Variants in NAALADL2 observed in about 807,000 individuals in gnomAD.
The protein encoded by NAALADL2 is N-acetylated alpha-linked acidic dipeptidase like 2, also known as inactive N-acetylated-alpha-linked acidic dipeptidase-like protein 2.
Under a neutral mutation model 87.2 loss-of-function variants are expected in NAALADL2, and 76 were observed. The ratio of observed to expected loss-of-function variants is 0.87; its 90% CI spans 0.72 to 1.05. NAALADL2 has a LOEUF of 1.05. Among genes scored for constraint, NAALADL2 ranks in the 50% least tolerant of loss-of-function variants. The probability of loss-of-function intolerance (pLI) is 0.00; values close to 1 mark genes in which losing one functional copy is unlikely to be tolerated. For synonymous variants in NAALADL2, 354 were observed against 331.0 expected, an observed-to-expected ratio of 1.07 and a Z score of -0.75; for missense variants, 1,089 against 945.8, an observed-to-expected ratio of 1.15 and a Z score of -1.99.
intron 1 of NAALADL2, among the ~76,000 whole-genome samples, chr3:174,524,926 C>T (rs973618940): frequency 6.6e-6 from 1 of 152,168 alleles, no homozygotes; most frequent in African/African-American, 2.4e-5. Context: ...ATTACCTTTT[C>T]TGTGTTTAGA....
chr3:175,720,470 T>G (rs1436460710), intron 11 of NAALADL2, among the ~76,000 whole-genome samples: 1 of 151,976 alleles, frequency 6.6e-6, no homozygotes, highest in East Asian at 1.9e-4. Context: ...GAAAATAAAG[T>G]GAAAAATGAG....
chr3:175,653,401 C>T (rs1168899926), intron 11 of NAALADL2, among the ~76,000 whole-genome samples: 1 of 152,248 alleles, frequency 6.6e-6, no homozygotes, highest in African/African-American at 2.4e-5. Flanking sequence ...GATTTTCTAA[C>T]GTTAATTTGT....
intron 2 of NAALADL2, among the ~76,000 whole-genome samples, chr3:174,588,021 A>G (rs556709982): frequency 8.7e-4 from 132 of 152,050 alleles, no homozygotes; most frequent in African/African-American, 3.0e-3. Context: ...TCAGATGTAG[A>G]TTTGTTCTTT....
intron 1 of NAALADL2, among the ~76,000 whole-genome samples, chr3:175,064,468 C>T (rs78378068): frequency 0.11 from 17,010 of 152,052 alleles, 1,090 homozygotes; most frequent in East Asian, 0.21. Context: ...GCATCCAGGG[C>T]GCCTTAACTG....
At chr3:175,757,002 A>ATATGTG (rs1747350932) in intron 13 of NAALADL2, among the ~76,000 whole-genome samples, 1 of 151,064 alleles carries the variant, frequency 6.6e-6, no homozygotes, top group Admixed American at 6.6e-5. Flanking sequence ...TATATTTTTT[A>ATATGTG]TATGTGTATG....
chr3:175,277,241 A>G lies in NAALADL2; in HGVS notation c.939+20711A>G, dbSNP rs534196241. Among the ~76,000 whole-genome samples the G allele has an allele frequency of 2.0e-5, 3 of 152,314 alleles. No individual in the cohort carries two copies. In the East Asian group the frequency reaches 5.8e-4, roughly 29 times the overall value. On this transcript the variant is annotated intron_variant, in intron 4 of 13. Coordinates refer to ENST00000454872, the MANE Select transcript of NAALADL2 (RefSeq NM_207015.3). ...CTAGAAAAACTTCTACAGTGCCAAC[A>G]TATCTTTACTACCCATATACGGGTA... is the stretch of plus-strand genomic sequence containing the variant.
At chr3:175,005,004 CAG>C (rs762054152) in intron 1 of NAALADL2, among the ~76,000 whole-genome samples, 1 of 152,050 alleles carries the variant, frequency 6.6e-6, no homozygotes, top group Non-Finnish European at 1.5e-5. Flanking sequence ...ACCTGAAAAA[CAG>C]AAAACGAGTA....
chr3:175,764,661 A>C (rs1748455128), intron 13 of NAALADL2, among the ~76,000 whole-genome samples: 1 of 152,130 alleles, frequency 6.6e-6, no homozygotes, highest in Non-Finnish European at 1.5e-5. Flanking sequence ...CAAACACATA[A>C]GCTCCCAAAA....
intron 2 of NAALADL2, among the ~76,000 whole-genome samples, chr3:175,116,918 T>A (rs36040381): frequency 0.6 from 91,190 of 151,098 alleles, 27,969 homozygotes; most frequent in African/African-American, 0.73. Context: ...ACAGAGATAT[T>A]GAAGAATGGA....
chr3:175,025,002 A>T (rs1752038147), intron 1 of NAALADL2, among the ~76,000 whole-genome samples: 1 of 152,156 alleles, frequency 6.6e-6, no homozygotes, highest in Non-Finnish European at 1.5e-5. Flanking sequence ...AGTATCTGTT[A>T]CCTTTTGAGA....
At chr3:175,332,503 G>T (rs1286780751) in intron 5 of NAALADL2, among the ~76,000 whole-genome samples, 1 of 152,168 alleles carries the variant, frequency 6.6e-6, no homozygotes. Context: ...GTCTCACTAT[G>T]TTGCCCAGTC....
At chr3:174,924,869 T>A (rs1158349278) in intron 1 of NAALADL2, among the ~76,000 whole-genome samples, 1 of 152,246 alleles carries the variant, frequency 6.6e-6, no homozygotes, top group Non-Finnish European at 1.5e-5. Context: ...AAATGCCTTC[T>A]TTTGAGAAGT....
intron 4 of NAALADL2, among the ~76,000 whole-genome samples, chr3:175,309,586 CTT>C (rs1387703997): frequency 6.6e-6 from 1 of 151,538 alleles, no homozygotes; most frequent in Non-Finnish European, 1.5e-5. Context: ...CTTAAAGAAA[CTT>C]TTGTTTTTCA....
chr3:175,105,491 ATGTG>A (rs60465385), intron 2 of NAALADL2, among the ~76,000 whole-genome samples: 1 of 149,930 alleles, frequency 6.7e-6, no homozygotes, highest in African/African-American at 2.4e-5. Context: ...CTATGTATGT[ATGTG>A]TGTGTATATT....
chr3:175,700,904 C>A (rs958715353), intron 11 of NAALADL2, among the ~76,000 whole-genome samples: 8 of 151,974 alleles, frequency 5.3e-5, no homozygotes, highest in Non-Finnish European at 1.0e-4. Flanking sequence ...CAAAAGGGAG[C>A]ATTAGAGAGG....
intron 2 of NAALADL2, among the ~76,000 whole-genome samples, chr3:175,207,546 C>G (rs1200705013): frequency 6.6e-6 from 1 of 152,000 alleles, no homozygotes; most frequent in East Asian, 1.9e-4. Context: ...GTCAGCAGTT[C>G]AGGTCATTAC....
chr3:175,665,839 G>A (rs1313689802), intron 11 of NAALADL2, among the ~76,000 whole-genome samples: 1 of 152,084 alleles, frequency 6.6e-6, no homozygotes, highest in Non-Finnish European at 1.5e-5. Context: ...GCTGAGGCAG[G>A]AGAATCGCTT....
At chr3:174,611,732 A>G (rs2108642400) in intron 2 of NAALADL2, among the ~76,000 whole-genome samples, 1 of 151,278 alleles carries the variant, frequency 6.6e-6, no homozygotes, top group South Asian at 2.1e-4. Flanking sequence ...CTGGGATTAC[A>G]GGTGCATGCC....
intron 2 of NAALADL2, among the ~76,000 whole-genome samples, chr3:174,646,081 C>A (rs994568053): frequency 6.6e-6 from 1 of 152,130 alleles, no homozygotes; most frequent in Non-Finnish European, 1.5e-5. Context: ...GGTCTTTCAA[C>A]AGTCTTTCTG....
Sources: gnomAD v4.1 joint callset for allele counts (sites outside exome capture counted in the v4.1 genomes callset) on GRCh38, gnomAD v4.1.1 for gene constraint, MANE v1.5 for transcripts, NCBI Gene and HGNC (gene_info 2026-07-23, HGNC 2026-07-21) for gene names.